The following ZNF385D variants were observed in gnomAD, a reference collection of about 807,000 sequenced individuals.
ZNF385D encodes the protein zinc finger protein 659.
ZNF385D carries 15 observed loss-of-function variants against 35.8 expected under a neutral mutation model. The ratio of observed to expected loss-of-function variants is 0.42; its 90% CI spans 0.28 to 0.64. The LOEUF (loss-of-function observed/expected upper bound fraction) is 0.64. ZNF385D is among the 30% of genes least tolerant of loss of function. The pLI is 0.23. For synonymous variants in ZNF385D, 212 were observed against 186.8 expected (o/e 1.13, Z -1.10); for missense variants, 474 against 494.6 (o/e 0.96, Z 0.39).
In ZNF385D at chr3:22,028,886, G is replaced by A. The variant is rs536161410; in HGVS notation, c.325+139931C>T. ...AGGGGACTATACTTTGCAGGGCTGG[G>A]GCAAAGTTCTCTAGAAGACCATGTG... On this transcript the variant is annotated intron_variant, in intron 3 of 5. Transcript: ENST00000494108. Among the ~76,000 whole-genome samples, 8 of 152,138 alleles carry A rather than the reference G, an allele frequency of 5.3e-5. No homozygotes were observed. The South Asian group carries it at 1.7e-3, about 32-fold the overall frequency.
chr3:22,077,069 C>T (rs1700499788), intron 3 of ZNF385D, among the ~76,000 whole-genome samples: 2 of 151,742 alleles, frequency 1.3e-5, no homozygotes, highest in South Asian at 4.2e-4. Flanking sequence ...GACCTTAATA[C>T]CCATAATAAC....
intron 3 of ZNF385D, among the ~76,000 whole-genome samples, chr3:21,974,452 A>T (rs1203294209): frequency 6.6e-6 from 1 of 152,136 alleles, no homozygotes; most frequent in Admixed American, 6.6e-5. Flanking sequence ...TAAATCTAAG[A>T]TCTTAAGCTA....
At chr3:21,945,627 G>A (rs1386047051) in intron 3 of ZNF385D, among the ~76,000 whole-genome samples, 3 of 152,242 alleles carry the variant, frequency 2.0e-5, no homozygotes, top group Admixed American at 1.3e-4. Context: ...CATGGTAAAT[G>A]TTTATCTTCA....
At chr3:22,078,871 A>G (rs1032660402) in intron 3 of ZNF385D, among the ~76,000 whole-genome samples, 1 of 152,088 alleles carries the variant, frequency 6.6e-6, no homozygotes, top group African/African-American at 2.4e-5. Context: ...ACTCTTACAC[A>G]TAAAATTTTA....
At chr3:22,048,965 T>C (rs1271445026) in intron 3 of ZNF385D, among the ~76,000 whole-genome samples, 2 of 152,176 alleles carry the variant, frequency 1.3e-5, no homozygotes, top group East Asian at 3.9e-4. Context: ...TTTTCTTGAC[T>C]TTTTCTTTGT....
At chr3:22,090,818 C>G (rs1365560198) in intron 3 of ZNF385D, among the ~76,000 whole-genome samples, 2 of 152,168 alleles carry the variant, frequency 1.3e-5, no homozygotes, top group East Asian at 1.9e-4. Flanking sequence ...AGCTTGCTCT[C>G]CCATGCCTGA....
chr3:21,603,321 G>T (rs1262782586), intron 2 of ZNF385D, among the ~76,000 whole-genome samples: 1 of 152,190 alleles, frequency 6.6e-6, no homozygotes, highest in Non-Finnish European at 1.5e-5. Flanking sequence ...TTGTACTGGA[G>T]GAAGGGAATT....
chr3:21,978,961 A>G (rs1275580728), intron 3 of ZNF385D, among the ~76,000 whole-genome samples: 1 of 152,216 alleles, frequency 6.6e-6, no homozygotes, highest in Non-Finnish European at 1.5e-5. Context: ...CTAAAATTGG[A>G]AATTTAAATT....
At chr3:22,093,099 G>T (rs1701416206) in intron 3 of ZNF385D, among the ~76,000 whole-genome samples, 1 of 152,084 alleles carries the variant, frequency 6.6e-6, no homozygotes, top group Non-Finnish European at 1.5e-5. Context: ...TGGGAGAAGT[G>T]AAGTGTTGGT....
chr3:21,619,524 A>C (rs1283269731), intron 2 of ZNF385D, among the ~76,000 whole-genome samples: 1 of 152,036 alleles, frequency 6.6e-6, no homozygotes, highest in Non-Finnish European at 1.5e-5. Flanking sequence ...ATAACCCATT[A>C]TCCAACCAAA....
At chr3:21,560,650 C>T (rs1247004003) in intron 3 of ZNF385D, among the ~76,000 whole-genome samples, 1 of 152,182 alleles carries the variant, frequency 6.6e-6, no homozygotes, top group Non-Finnish European at 1.5e-5. Flanking sequence ...GGCAGTCTGA[C>T]CCTTAGCAGA....
chr3:21,628,276 G>C (rs886822418), intron 2 of ZNF385D, among the ~76,000 whole-genome samples: 14 of 152,098 alleles, frequency 9.2e-5, no homozygotes, highest in African/African-American at 3.4e-4. Flanking sequence ...CAGTTTAATT[G>C]CTCACAAGCA....
In ZNF385D at chr3:22,058,532, G is replaced by T. The variant is rs1468165368; in HGVS notation, c.325+110285C>A. 2.0e-5 allele frequency among the ~76,000 whole-genome samples: 3 copies of T among 152,294 alleles called. No individual in the cohort carries two copies. The East Asian group carries it at 5.8e-4, about 29-fold the overall frequency. On this transcript the variant is annotated intron_variant, in intron 3 of 5. Transcript: ENST00000494108. ...TGTTTCCAACTCCTAACTGGTCAAAGGACATGAGAGGCAGATGAGATCTTG... is the reference window on the plus strand; with the variant it reads ...TGTTTCCAACTCCTAACTGGTCAAATGACATGAGAGGCAGATGAGATCTTG...
chr3:22,244,236 GT>G (rs1345771971), intron 2 of ZNF385D, among the ~76,000 whole-genome samples: 1 of 150,196 alleles, frequency 6.7e-6, no homozygotes, highest in Non-Finnish European at 1.5e-5. Flanking sequence ...GCCACAATAT[GT>G]TGTTTTGTTA....
intron 4 of ZNF385D, among the ~76,000 whole-genome samples, chr3:21,439,769 G>A (rs914720470): frequency 1.3e-5 from 2 of 152,032 alleles, no homozygotes; most frequent in African/African-American, 4.8e-5. Context: ...GACAACAGAA[G>A]ATTAGAGACA....
chr3:21,823,063 G>T (rs1469716293), intron 3 of ZNF385D, among the ~76,000 whole-genome samples: 2 of 152,026 alleles, frequency 1.3e-5, no homozygotes, highest in South Asian at 2.1e-4. Flanking sequence ...TTGTTAAGCT[G>T]CAGAGTGGAT....
intron 4 of ZNF385D, among the ~76,000 whole-genome samples, chr3:21,487,262 T>A (rs1439891766): frequency 3.3e-5 from 5 of 151,574 alleles, no homozygotes; most frequent in Admixed American, 1.3e-4. Context: ...ATTGTGGCCT[T>A]TCATTTGCTA....
rs536358918 is a variant in ZNF385D at position 22,256,081 on chromosome 3, T to C, written c.107-87046A>G. On this transcript the variant is annotated intron_variant, in intron 2 of 5. Coordinates refer to the ZNF385D transcript ENST00000494108. ...CTTCCCAGTCTACATCTTTCTCCCATGGTGGATGCTTCCTGCCCTCCAATG... is the reference window on the plus strand; with the variant it reads ...CTTCCCAGTCTACATCTTTCTCCCACGGTGGATGCTTCCTGCCCTCCAATG... 1.8e-4 allele frequency among the ~76,000 whole-genome samples: 28 copies of C among 151,866 alleles called. No homozygotes were observed. The East Asian group carries it at 5.4e-3, about 30-fold the overall frequency.
At chr3:22,143,542 A>C (rs888028830) in intron 3 of ZNF385D, among the ~76,000 whole-genome samples, 12 of 152,144 alleles carry the variant, frequency 7.9e-5, no homozygotes, top group African/African-American at 2.7e-4. Context: ...ATTCATACAC[A>C]CACTTGCAGA....
Sources: gnomAD v4.1 joint callset for allele counts (sites outside exome capture counted in the v4.1 genomes callset) on GRCh38, gnomAD v4.1.1 for gene constraint, MANE v1.5 for transcripts, NCBI Gene and HGNC (gene_info 2026-07-23, HGNC 2026-07-21) for gene names.